The following KCNC2 variants were observed in gnomAD, a reference collection of about 807,000 sequenced individuals.
KCNC2 encodes the protein potassium voltage-gated channel subfamily C member 2, also known as voltage-gated potassium channel KCNC2.
In KCNC2, 21 loss-of-function variants were observed where a neutral mutation model predicts 44.5. That is an observed-to-expected ratio of 0.47 (90% CI 0.33 to 0.68). The LOEUF (loss-of-function observed/expected upper bound fraction) is 0.68. Ranked by LOEUF, KCNC2 falls within the 30% of genes least tolerant of loss-of-function variation. The pLI, the probability that KCNC2 is intolerant of heterozygous loss-of-function variation, is 0.01. For synonymous variants in KCNC2, 391 were observed against 339.1 expected (o/e 1.15, Z -1.68); for missense variants, 589 against 826.2 (o/e 0.71, Z 3.52).
chr12:75,146,899 T>C (rs1357785511), intron 2 of KCNC2, among the ~76,000 whole-genome samples: 1 of 152,134 alleles, frequency 6.6e-6, no homozygotes, highest in African/African-American at 2.4e-5. Context: ...CTTTGAACAA[T>C]TGTGCTGAGG....
chr12:75,103,410 C>T lies in KCNC2; in HGVS notation c.688-52093G>A, dbSNP rs78993073. 2.9e-3 allele frequency among the ~76,000 whole-genome samples: 448 copies of T among 152,290 alleles called. 13 individuals are homozygous for T. In the East Asian group the frequency reaches 0.066, roughly 22 times the overall value. The stretch of plus-strand genomic sequence containing the variant: ...AGTAACTTTGTATAAGATACAGAAG[C>T]AAGGGCAATACTTAGATGCCCTGAT... On this transcript the variant is annotated intron_variant, in intron 2 of 4. Transcript: ENST00000549446.
At position 75,069,129 on chromosome 12, in the gene KCNC2, C is replaced by CT. The variant is rs1158151551; in HGVS notation, c.688-17813dup. Among the ~76,000 whole-genome samples the CT allele has an allele frequency of 1.3e-3, 85 of 63,658 alleles. 10 individuals carry two copies. The highest frequency in any genetic ancestry group is 3.1e-3 in the East Asian group (6 of 1,910). 41.8% of individuals were successfully genotyped at this position (63,658 alleles called of 152,430 possible). Reference sequence around the variant, plus strand: ...AAAAACAGTTTCAATTTTATATAATCTTTTTTTTTTTTTTTTTTTTTTGAG... The same window carrying CT: ...AAAAACAGTTTCAATTTTATATAATCTTTTTTTTTTTTTTTTTTTTTTTGAG... On this transcript the variant is annotated intron_variant, in intron 2 of 4. Coordinates refer to ENST00000549446, the MANE Select transcript of KCNC2 (RefSeq NM_139137.4).
intron 2 of KCNC2, among the ~76,000 whole-genome samples, chr12:75,100,066 T>C (rs1439447604): frequency 6.6e-6 from 1 of 152,160 alleles, no homozygotes; most frequent in Non-Finnish European, 1.5e-5. Flanking sequence ...TACTCCTCTT[T>C]CTACCAGAAT....
intron 2 of KCNC2, among the ~76,000 whole-genome samples, chr12:75,149,000 C>CAA (rs202065772): frequency 9.7e-4 from 115 of 118,458 alleles, no homozygotes; most frequent in Admixed American, 2.4e-3. Flanking sequence ...GACTGATATA[C>CAA]AAAAAAAAAA....
At chr12:75,059,967 C>T (rs910032078) in intron 2 of KCNC2, among the ~76,000 whole-genome samples, 2 of 152,040 alleles carry the variant, frequency 1.3e-5, no homozygotes, top group African/African-American at 4.8e-5. Flanking sequence ...ATGTCATCTC[C>T]AGCTCTGCCT....
At position 75,207,232 on chromosome 12, in the gene KCNC2, C is replaced by CAG; in HGVS notation, c.687+63_687+64dup. 1 of 1,498,598 alleles carries CAG rather than the reference C, an allele frequency of 6.7e-7. No homozygotes were observed. The highest frequency in any genetic ancestry group is 8.9e-7 in the Non-Finnish European group (1 of 1,126,012). 92.8% of individuals were successfully genotyped at this position (1,498,598 alleles called of 1,614,324 possible). On this transcript the variant is annotated intron_variant, in intron 2 of 4. Coordinates refer to ENST00000549446, the MANE Select transcript of KCNC2 (RefSeq NM_139137.4). This position sits in a 1 kb window ranked among gnomAD's most constrained non-coding sequence, Gnocchi z 4.1. ...CCTGAGGCCCTGGGGTGGAAAAGAA[C>CAG]AGAAAGTTGGGGAGGGAGTTGGGAG...
chr12:75,207,468 G>A lies in KCNC2; in HGVS notation c.516C>T (p.Pro172=), dbSNP rs201428363. The stretch of plus-strand genomic sequence containing the variant: ...CGCCGGGGTCGCCGCCAATGAGGTC[G>A]GGGGTCTCGAAGATGTCCAGCGCCT... ...AEEALDIFET[P]DLIGGDPGDD... The change falls in exon 2 of 5, where the codon CCC becomes CCT. Residue 172 remains proline, a synonymous_variant. Coordinates refer to ENST00000549446, the MANE Select transcript of KCNC2 (RefSeq NM_139137.4). This position sits in a 1 kb window ranked among gnomAD's most constrained non-coding sequence, Gnocchi z 4.1. 3 of 1,612,060 alleles carry A rather than the reference G, an allele frequency of 1.9e-6. No homozygotes were observed. The highest frequency in any genetic ancestry group is 1.3e-5 in the African/African-American group (1 of 74,772).
intron 2 of KCNC2, among the ~76,000 whole-genome samples, chr12:75,174,191 T>C (rs971067594): frequency 3.3e-5 from 5 of 151,778 alleles, no homozygotes; most frequent in Non-Finnish European, 5.9e-5. Context: ...TTTTATACCA[T>C]GTATTTTTTA....
chr12:75,204,827 G>A (rs1222484661), intron 2 of KCNC2, among the ~76,000 whole-genome samples: 1 of 151,866 alleles, frequency 6.6e-6, no homozygotes, highest in Non-Finnish European at 1.5e-5. Context: ...CTTTTTTTCA[G>A]CCAACCCCTA....
At chr12:75,073,450 A>C (rs1883613612) in intron 2 of KCNC2, among the ~76,000 whole-genome samples, 1 of 152,150 alleles carries the variant, frequency 6.6e-6, no homozygotes, top group African/African-American at 2.4e-5. Flanking sequence ...TAAGATTTCC[A>C]AAAAATTAAA....
chr12:75,105,648 G>T (rs1886725056), intron 2 of KCNC2, among the ~76,000 whole-genome samples: 1 of 152,128 alleles, frequency 6.6e-6, no homozygotes, highest in South Asian at 2.1e-4. Flanking sequence ...GGAATCGAAT[G>T]TAAAGAATGA....
At chr12:75,154,639 T>C (rs1483647068) in intron 2 of KCNC2, among the ~76,000 whole-genome samples, 2 of 152,006 alleles carry the variant, frequency 1.3e-5, no homozygotes, top group African/African-American at 4.8e-5. Context: ...CCATCATATT[T>C]TAAAAAAGAA....
At chr12:75,061,246 A>C (rs1882291177) in intron 2 of KCNC2, among the ~76,000 whole-genome samples, 1 of 152,042 alleles carries the variant, frequency 6.6e-6, no homozygotes, top group Non-Finnish European at 1.5e-5. Context: ...CACTTTCCCC[A>C]AGTGGATTTT....
intron 2 of KCNC2, among the ~76,000 whole-genome samples, chr12:75,086,699 TAC>T (rs1555208223): frequency 7.2e-6 from 1 of 138,876 alleles, no homozygotes. Context: ...TATATATATA[TAC>T]ACACACATAT....
At chr12:75,084,471 C>T (rs1762788848) in intron 2 of KCNC2, among the ~76,000 whole-genome samples, 1 of 151,932 alleles carries the variant, frequency 6.6e-6, no homozygotes. Flanking sequence ...CTTTCTGGTG[C>T]TATTCTCGTG....
chr12:75,139,751 T>C (rs1324646120), intron 2 of KCNC2, among the ~76,000 whole-genome samples: 2 of 152,242 alleles, frequency 1.3e-5, no homozygotes, highest in African/African-American at 4.8e-5. Context: ...TTGTCTTTTT[T>C]TAAATTTCTG....
intron 2 of KCNC2, among the ~76,000 whole-genome samples, chr12:75,174,242 T>C (rs958082767): frequency 1.3e-5 from 2 of 151,954 alleles, no homozygotes. Context: ...AATATTTAAG[T>C]TTGTTATTTT....
rs148876026 is a variant in KCNC2, at chr12:75,070,305, G to T, written c.688-18988C>A. Among the ~76,000 whole-genome samples the T allele has an allele frequency of 3.9e-3, 595 of 151,378 alleles. 1 individual carries two copies. Among genetic ancestry groups the T allele is most frequent in the African/African-American group, 0.014 (572 of 40,832 alleles). On this transcript the variant is annotated intron_variant, in intron 2 of 4. Transcript: ENST00000549446. ...TCTCTACTAAAAATACAAAAAATTA[G>T]CCAGTCATGGTGGTGCCTGTCTGTA...
chr12:75,041,989 G>A lies in KCNC2; in HGVS notation c.*1116C>T, dbSNP rs11180340. The A allele has an allele frequency of 5.9e-3, 6,213 of 1,055,520 alleles. 296 individuals are homozygous for A. The African/African-American group carries it at 0.097, about 16-fold the overall frequency. 65.4% of individuals were successfully genotyped at this position (1,055,520 alleles called of 1,614,324 possible). A position where few individuals can be genotyped will look rare whatever the true frequency, so the allele number is the denominator to read the frequency against. ...TAAGACAGACAAGAACAACATACAGGACAAAGCACCTGATTAAACACTGCC... is the reference window on the plus strand; with the variant it reads ...TAAGACAGACAAGAACAACATACAGAACAAAGCACCTGATTAAACACTGCC... On this transcript the variant is annotated 3_prime_UTR_variant, in exon 5 of 5. Transcript: ENST00000549446.
Sources: allele counts gnomAD v4.1 joint callset (sites outside exome capture counted in the v4.1 genomes callset), GRCh38; gene constraint gnomAD v4.1.1; non-coding constraint Gnocchi (gnomAD v3.1); transcripts MANE v1.5; gene names NCBI Gene and HGNC (gene_info 2026-07-23, HGNC 2026-07-21).